DTD1: variants seen among roughly 807,000 people sequenced by gnomAD.
DTD1 encodes D-tyrosyl-tRNA deacylase 1 homolog.
In DTD1, 13 loss-of-function variants were observed where a neutral mutation model predicts 25.6. The ratio of observed to expected loss-of-function variants is 0.51; its 90% CI spans 0.33 to 0.81. The LOEUF is 0.81. Among genes scored for constraint, DTD1 ranks in the 30% least tolerant of loss-of-function variants. The probability of loss-of-function intolerance (pLI) is 0.02; values close to 1 mark genes in which losing one functional copy is unlikely to be tolerated. For missense variants in DTD1, 193 were observed against 266.4 expected, an observed-to-expected ratio of 0.72 and a Z score of 1.92; for synonymous variants, 110 against 103.6, an observed-to-expected ratio of 1.06 and a Z score of -0.37.
chr20:18,735,050 A>G (rs2122509640), intron 4 of DTD1, among the ~76,000 whole-genome samples: 1 of 152,336 alleles, frequency 6.6e-6, no homozygotes, highest in Non-Finnish European at 1.5e-5. Context: ...AAGTAATTGC[A>G]GAGGAGATAT....
chr20:18,712,963 T>C (rs1260292210), intron 4 of DTD1, among the ~76,000 whole-genome samples: 1 of 152,244 alleles, frequency 6.6e-6, no homozygotes, highest in African/African-American at 2.4e-5. Context: ...GATCTCTCTG[T>C]AATGGGATTA....
At chr20:18,761,318 A>C (rs984703063) in intron 5 of DTD1, among the ~76,000 whole-genome samples, 1 of 152,036 alleles carries the variant, frequency 6.6e-6, no homozygotes, top group East Asian at 1.9e-4. Context: ...CGTGGCTCAC[A>C]CTGGGAGGTG....
At chr20:18,741,826 G>A (rs146254763) in intron 4 of DTD1, among the ~76,000 whole-genome samples, 5 of 151,372 alleles carry the variant, frequency 3.3e-5, no homozygotes, top group Admixed American at 6.6e-5. Flanking sequence ...GGGCTCAAGC[G>A]ATCCTCCCGT....
chr20:18,698,358 A>G (rs1392239026), intron 4 of DTD1: 6 of 152,290 alleles, frequency 3.9e-5, no homozygotes, highest in South Asian at 2.1e-4. Flanking sequence ...AACATCTTCT[A>G]TTACTTTGAA....
Position 18,595,711 on chromosome 20 carries a change from G to A in DTD1, c.135-295G>A, listed in dbSNP as rs143354392. 2.0e-5 allele frequency among the ~76,000 whole-genome samples: 3 copies of A among 152,310 alleles called. No homozygotes were observed. In the East Asian group the frequency reaches 5.8e-4, roughly 29 times the overall value. ...GACCTAAAGGAGCAGAGAATAGGTG[G>A]TTGTCATCTTAGCCCCAGTTCTCAC... On this transcript the variant is annotated intron_variant, in intron 2 of 5. Transcript: ENST00000377452.
At chr20:18,748,564 G>A (rs530641668) in intron 5 of DTD1, among the ~76,000 whole-genome samples, 2 of 152,118 alleles carry the variant, frequency 1.3e-5, no homozygotes, top group Non-Finnish European at 2.9e-5. Context: ...AAAAACACCC[G>A]AGGGTCTCAT....
chr20:18,664,593 G>T (rs541347583), intron 4 of DTD1, among the ~76,000 whole-genome samples: 10 of 152,280 alleles, frequency 6.6e-5, no homozygotes, highest in Non-Finnish European at 1.3e-4. Context: ...GGGTGATGGG[G>T]GCTGATTTGG....
At chr20:18,589,584 A>G (rs1263851509) in intron 1 of DTD1, among the ~76,000 whole-genome samples, 1 of 152,174 alleles carries the variant, frequency 6.6e-6, no homozygotes, top group African/African-American at 2.4e-5. Context: ...AAGCTTTTAT[A>G]ACATTTCTGT....
intron 3 of DTD1, among the ~76,000 whole-genome samples, chr20:18,626,302 G>C (rs1380320804): frequency 6.6e-6 from 1 of 152,180 alleles, no homozygotes; most frequent in Non-Finnish European, 1.5e-5. Flanking sequence ...ATTGTCCAGA[G>C]GGGCATGGAC....
At chr20:18,669,905 A>G (rs1415050544) in intron 4 of DTD1, among the ~76,000 whole-genome samples, 1 of 152,176 alleles carries the variant, frequency 6.6e-6, no homozygotes, top group Non-Finnish European at 1.5e-5. Context: ...ATCAAACTTC[A>G]GGCGAGCCAG....
intron 3 of DTD1, among the ~76,000 whole-genome samples, chr20:18,624,291 A>G (rs1053411822): frequency 6.6e-6 from 1 of 152,224 alleles, no homozygotes; most frequent in African/African-American, 2.4e-5. Context: ...TGCAATAGTA[A>G]AATACATAAG....
rs1186539081 is a variant in DTD1 at position 18,596,173 on chromosome 20, A to G, written c.302A>G (p.Gln101Arg). ...TTCCACCTAGCAATGCCCACGGAGC[A>G]GGCAGAGGGCTTCTACAACAGCTTC... ...PDFHLAMPTE[Q>R]AEGFYNSFLE... is the part of the protein sequence containing the mutation. Residue 101 changes from glutamine to arginine, a missense_variant, in exon 3 of 6, where the codon CAG (glutamine) becomes CGG (arginine). Transcript: ENST00000377452. 6.2e-7 allele frequency: 1 copy of G among 1,614,190 alleles called. No homozygotes were observed. The highest frequency in any genetic ancestry group is 8.5e-7 in the Non-Finnish European group (1 of 1,180,026).
intron 4 of DTD1, among the ~76,000 whole-genome samples, chr20:18,682,073 G>C (rs1489677890): frequency 6.6e-6 from 1 of 152,178 alleles, no homozygotes; most frequent in Non-Finnish European, 1.5e-5. Flanking sequence ...TTATTTGAAG[G>C]TGGGCTTAGA....
intron 3 of DTD1, among the ~76,000 whole-genome samples, chr20:18,599,554 T>C (rs576743720): frequency 6.6e-6 from 1 of 152,328 alleles, no homozygotes; most frequent in South Asian, 2.1e-4. Flanking sequence ...ATGCAATTGC[T>C]GGACTTAATA....
In DTD1 at chr20:18,649,326, C is replaced by CTTTTTT. The variant is rs55766733; in HGVS notation, c.477+21118_477+21123dup. 7.6e-3 allele frequency among the ~76,000 whole-genome samples: 436 copies of CTTTTTT among 57,652 alleles called. 55 individuals carry two copies. Among genetic ancestry groups the CTTTTTT allele is most frequent in the African/African-American group, 0.013 (191 of 14,460 alleles). The allele number at this position is 57,652 out of a possible 152,430, so 37.8% of individuals were successfully genotyped here. ...TGGGCTTTCTCAGCCATTCATCTTT[C>CTTTTTT]TTTTTTTTTTTTTTTTTTTTTTTTT... On this transcript the variant is annotated intron_variant, in intron 4 of 5. Transcript: ENST00000377452.
intron 4 of DTD1, among the ~76,000 whole-genome samples, chr20:18,706,018 C>T (rs1341882242): frequency 6.6e-6 from 1 of 152,164 alleles, no homozygotes; most frequent in African/African-American, 2.4e-5. Context: ...TGGCTTTCCT[C>T]AGTTTTCTTT....
At chr20:18,637,230 A>G (rs796590029) in intron 4 of DTD1, among the ~76,000 whole-genome samples, 3 of 152,192 alleles carry the variant, frequency 2.0e-5, no homozygotes, top group South Asian at 2.1e-4. Flanking sequence ...TTGAGGTCAC[A>G]TGTGAGTCTG....
intron 4 of DTD1, among the ~76,000 whole-genome samples, chr20:18,706,325 C>T (rs556755160): frequency 2.6e-5 from 4 of 152,174 alleles, no homozygotes; most frequent in Non-Finnish European, 5.9e-5. Flanking sequence ...GATTGCTCTT[C>T]GTTGGCACCT....
At position 18,763,789 on chromosome 20, in the gene DTD1, G is replaced by C. The variant is rs1025991817; in HGVS notation, c.*449G>C. On this transcript the variant is annotated 3_prime_UTR_variant, in exon 6 of 6. Coordinates refer to ENST00000377452, the MANE Select transcript of DTD1 (RefSeq NM_080820.6). ...TTATTGCCAGGGCCCGTGTTGAAGTGTCAAGAGAGCAATCATCAATGATAA... is the reference window on the plus strand; with the variant it reads ...TTATTGCCAGGGCCCGTGTTGAAGTCTCAAGAGAGCAATCATCAATGATAA... 5 of 152,216 alleles carry C rather than the reference G, an allele frequency of 3.3e-5. No homozygotes were observed. 9.4% of individuals were successfully genotyped at this position (152,216 alleles called of 1,614,324 possible). A position where few individuals can be genotyped will look rare whatever the true frequency, so the allele number is the denominator to read the frequency against.
Sources: allele counts gnomAD v4.1 joint callset (sites outside exome capture counted in the v4.1 genomes callset), GRCh38; gene constraint gnomAD v4.1.1; transcripts MANE v1.5; gene names NCBI Gene and HGNC (gene_info 2026-07-23, HGNC 2026-07-21).